GCSH: variants seen among roughly 807,000 people sequenced by gnomAD.
GCSH encodes the protein glycine cleavage system protein H.
Under a neutral mutation model 21.3 loss-of-function variants are expected in GCSH, and 15 were observed. That is an observed-to-expected ratio of 0.70 (90% confidence interval 0.47 to 1.08). GCSH has a LOEUF of 1.08. Among genes scored for constraint, GCSH ranks in the 50% least tolerant of loss-of-function variants. The probability of loss-of-function intolerance (pLI) is 0.00; values close to 1 mark genes in which losing one functional copy is unlikely to be tolerated. For missense variants in GCSH, 179 were observed against 217.5 expected (o/e 0.82, Z 1.11); for synonymous variants, 59 against 84.5 (o/e 0.70, Z 1.66).
chr16:81,090,825 G>T, intron 1 of GCSH, 145 bp from the exon 2 acceptor site: 1 of 707,574 alleles, frequency 1.4e-6, no homozygotes, highest in South Asian at 1.5e-5. Context: ...GCTCAGGAAA[G>T]AATGAAGATC....
intron 4 of GCSH, 170 bp downstream of exon 4, chr16:81,084,291 CAT>C (rs1490419997): frequency 2.9e-6 from 2 of 680,654 alleles, no homozygotes; most frequent in African/African-American, 3.6e-5. Flanking sequence ...AAATCTTAAA[CAT>C]AACTTTAAGT....
Position 81,084,509 on chromosome 16 carries a change from A to G in GCSH, c.378T>C (p.Ala126=), listed in dbSNP as rs765515096. 14 of 1,607,392 alleles carry G rather than the reference A, an allele frequency of 8.7e-6. No individual in the cohort carries two copies. The highest frequency in any genetic ancestry group is 1.7e-4 in the Middle Eastern group (1 of 6,042). Reference sequence around the variant, plus strand: ...TTACAAGTCCTGGATTTTCTGCAAGAGCTTCATTAATTTCAGTTACTTCTC... The same window carrying G: ...TTACAAGTCCTGGATTTTCTGCAAGGGCTTCATTAATTTCAGTTACTTCTC... ...LSGEVTEINE[A]LAENPGLVNK... The change falls in exon 4 of 5, where the codon GCT becomes GCC. Residue 126 remains alanine (A), a synonymous_variant. Coordinates refer to ENST00000315467, the MANE Select transcript of GCSH (RefSeq NM_004483.5).
At chr16:81,095,634 C>CCTCCCAAAGTGCTGGGATTACCGGA (rs1972490007) in intron 1 of GCSH, among the ~76,000 whole-genome samples, 1 of 11,708 alleles carries the variant, frequency 8.5e-5, no homozygotes, top group Non-Finnish European at 3.5e-4. Context: ...CGCCCTCCGG[C>CCTCCCAAAGTGCTGGGATTACCGGA]ATGAGCCAAC....
chr16:81,086,402 A>C (rs529059619), intron 3 of GCSH, among the ~76,000 whole-genome samples: 2 of 151,964 alleles, frequency 1.3e-5, no homozygotes, highest in Admixed American at 1.3e-4. Flanking sequence ...TAATTAATTT[A>C]AAAAATTAGC....
In GCSH at chr16:81,096,044, G is replaced by A. The variant is rs2316925; in HGVS notation, c.148+87C>T. 5,484 of 1,113,646 alleles carry A rather than the reference G, an allele frequency of 4.9e-3. 168 individuals carry two copies. The African/African-American group carries it at 0.075, about 15-fold the overall frequency. The allele number at this position is 1,113,646 out of a possible 1,614,324, so 69.0% of individuals were successfully genotyped here. On this transcript the variant is annotated intron_variant, in intron 1 of 4. Coordinates refer to ENST00000315467, the MANE Select transcript of GCSH (RefSeq NM_004483.5). ...TCCGCCCCGGTGGCTCAGGAGCGGT[G>A]CCCCGGCGTCCTCCGTGTCCCGCTG...
intron 2 of GCSH, 103 bp downstream of exon 2, chr16:81,090,498 A>C: frequency 1.2e-6 from 1 of 809,546 alleles, no homozygotes; most frequent in South Asian, 1.4e-5. Flanking sequence ...TTGGGATTAC[A>C]GGCATGAGCC....
intron 1 of GCSH, 139 bp downstream of exon 1, chr16:81,095,992 T>A (rs930151501): frequency 1.5e-6 from 1 of 679,886 alleles, no homozygotes; most frequent in Non-Finnish European, 2.1e-6. Flanking sequence ...CCAACAGAAA[T>A]AAGAAGGGGG....
intron 1 of GCSH, among the ~76,000 whole-genome samples, chr16:81,095,020 G>C (rs1048950947): frequency 6.6e-6 from 1 of 151,826 alleles, no homozygotes; most frequent in Non-Finnish European, 1.5e-5. Context: ...TTGAATCTGG[G>C]AGGTGGCGCT....
intron 1 of GCSH, among the ~76,000 whole-genome samples, chr16:81,094,891 G>C (rs569556042): frequency 1.3e-5 from 2 of 152,100 alleles, no homozygotes; most frequent in Non-Finnish European, 2.9e-5. Flanking sequence ...GAGGTCAGGA[G>C]TTTGAGACCA....
chr16:81,093,550 C>G (rs1452627074), intron 1 of GCSH, among the ~76,000 whole-genome samples: 1 of 151,994 alleles, frequency 6.6e-6, no homozygotes, highest in Non-Finnish European at 1.5e-5. Context: ...AATGTTACCC[C>G]TCAGTCCTGG....
chr16:81,095,963 G>A (rs1972497579), intron 1 of GCSH, among the ~76,000 whole-genome samples, 168 bp downstream of exon 1: 1 of 152,000 alleles, frequency 6.6e-6, no homozygotes, highest in Admixed American at 6.6e-5. Flanking sequence ...GGGGAGAAGC[G>A]GCCGCAGAGC....
At chr16:81,091,858 A>T (rs566983640) in intron 1 of GCSH, among the ~76,000 whole-genome samples, 1 of 151,964 alleles carries the variant, frequency 6.6e-6, no homozygotes, top group African/African-American at 2.4e-5. Flanking sequence ...TGAGCTCATG[A>T]TCCTCCCACC....
At chr16:81,089,904 C>T (rs765753752) in intron 2 of GCSH, among the ~76,000 whole-genome samples, 2 of 152,162 alleles carry the variant, frequency 1.3e-5, no homozygotes, top group Non-Finnish European at 2.9e-5. Context: ...AAAATGGTGG[C>T]AACACCCTGC....
rs982756862 is a variant in GCSH, at chr16:81,081,946, C to A, written c.*920G>T. ...AAAGAATACTATCAGAGTCCATTAT[C>A]TGAGCTCATAAAGCTTCAGTCCTTG... On this transcript the variant is annotated 3_prime_UTR_variant, in exon 5 of 5. Transcript: ENST00000315467. The A allele has an allele frequency of 2.3e-6, 1 of 442,394 alleles. No homozygotes were observed. The highest frequency in any genetic ancestry group is 2.0e-5 in the African/African-American group (1 of 49,608). 27.4% of individuals were successfully genotyped at this position (442,394 alleles called of 1,614,324 possible). A position where few individuals can be genotyped will look rare whatever the true frequency, so the allele number is the denominator to read the frequency against.
At chr16:81,093,485 G>T (rs1972440575) in intron 1 of GCSH, among the ~76,000 whole-genome samples, 1 of 151,976 alleles carries the variant, frequency 6.6e-6, no homozygotes, top group Non-Finnish European at 1.5e-5. Context: ...CAAACATTTG[G>T]GTGTAAAGAA....
At position 81,096,189 on chromosome 16, in the gene GCSH, G is replaced by C. The variant is rs8177847; in HGVS notation, c.90C>G (p.Pro30=). ...GGACGGCGCCCACCCCCAGCTGCCA[G>C]GGCCTCGGCGGGCAGGGCGCGGCGG... ...PSPAAPCPPR[P]WQLGVGAVRT... Residue 30 remains proline, a synonymous_variant, in exon 1 of 5, where the codon CCC becomes CCG. Coordinates refer to ENST00000315467, the MANE Select transcript of GCSH (RefSeq NM_004483.5). 7.3e-3 allele frequency: 9,670 copies of C among 1,319,306 alleles called. 270 individuals carry two copies. In the African/African-American group the frequency reaches 0.1, roughly 14 times the overall value. The allele number at this position is 1,319,306 out of a possible 1,614,324, so 81.7% of individuals were successfully genotyped here.
intron 1 of GCSH, among the ~76,000 whole-genome samples, chr16:81,094,913 C>G (rs8047495): frequency 6.6e-6 from 1 of 151,800 alleles, no homozygotes; most frequent in African/African-American, 2.4e-5. Flanking sequence ...CCTAACGTGG[C>G]GAAACCCTGT....
intron 1 of GCSH, 115 bp downstream of exon 1, chr16:81,096,016 C>T (rs571881344): frequency 5.6e-6 from 5 of 897,394 alleles, no homozygotes; most frequent in African/African-American, 5.2e-5. Context: ...GGTCCGCGCT[C>T]GCTCCGCCCC....
chr16:81,087,461 G>A (rs1374093241), intron 3 of GCSH, 140 bp downstream of exon 3: 2 of 702,192 alleles, frequency 2.8e-6, no homozygotes, highest in African/African-American at 1.8e-5. Flanking sequence ...TGGTGCCACT[G>A]CACTCCAGCC....
Sources: gnomAD v4.1 joint callset for allele counts (sites outside exome capture counted in the v4.1 genomes callset) on GRCh38, gnomAD v4.1.1 for gene constraint, MANE v1.5 for transcripts, NCBI Gene and HGNC (gene_info 2026-07-23, HGNC 2026-07-21) for gene names.